The following PAK5 variants were observed in gnomAD, a reference collection of about 807,000 sequenced individuals.
The protein encoded by PAK5 is serine/threonine-protein kinase PAK 5.
Under a neutral mutation model 65.9 loss-of-function variants are expected in PAK5, and 16 were observed. The observed-to-expected ratio is 0.24, with a 90% confidence interval of 0.16 to 0.37. The LOEUF (loss-of-function observed/expected upper bound fraction) is 0.37, where lower values mean the gene tolerates loss of function less well. Ranked by LOEUF, PAK5 falls within the 10% of genes least tolerant of loss-of-function variation. The probability of loss-of-function intolerance (pLI) is 1.00; values close to 1 mark genes in which losing one functional copy is unlikely to be tolerated. For synonymous variants in PAK5, 371 were observed against 354.9 expected (o/e 1.05, Z -0.51); for missense variants, 785 against 903.9 (o/e 0.87, Z 1.69).
chr20:9,686,509 C>A (rs6141005), intron 2 of PAK5, among the ~76,000 whole-genome samples: 40,141 of 151,980 alleles, frequency 0.26, 5,473 homozygotes, highest in East Asian at 0.36. Context: ...AATCCTCCTG[C>A]CTCTCCCAAA....
At chr20:9,829,526 T>C (rs1978541439) in intron 1 of PAK5, among the ~76,000 whole-genome samples, 1 of 152,194 alleles carries the variant, frequency 6.6e-6, no homozygotes, top group Non-Finnish European at 1.5e-5. Context: ...GCTTAACACA[T>C]CTTGTTCAAT....
chr20:9,807,827 G>A (rs2049252391), intron 1 of PAK5, among the ~76,000 whole-genome samples: 2 of 150,926 alleles, frequency 1.3e-5, no homozygotes, highest in Non-Finnish European at 3.0e-5. Flanking sequence ...TTAGTAGACA[G>A]CTGGATGATC....
intron 3 of PAK5, among the ~76,000 whole-genome samples, chr20:9,643,306 C>A (rs1213566766): frequency 1.3e-5 from 2 of 152,078 alleles, no homozygotes; most frequent in African/African-American, 4.8e-5. Context: ...CAATTGCCTG[C>A]TAGTCTATAG....
In PAK5 at chr20:9,581,004, C is replaced by G. The variant is rs184723315; in HGVS notation, c.205-74G>C. On this transcript the variant is annotated intron_variant, in intron 3 of 9. Transcript: ENST00000353224. Reference sequence around the variant, plus strand: ...TAAATTGATGGTGGCATCCCACCCCCACTCCATCCAAATTAAACTACAGAA... The same window carrying G: ...TAAATTGATGGTGGCATCCCACCCCGACTCCATCCAAATTAAACTACAGAA... 5.6e-3 allele frequency: 5,976 copies of G among 1,076,144 alleles called. 37 individuals carry two copies. The highest frequency in any genetic ancestry group is 0.012 in the South Asian group (796 of 64,120). The allele number at this position is 1,076,144 out of a possible 1,614,324, so 66.7% of individuals were successfully genotyped here. A position where few individuals can be genotyped will look rare whatever the true frequency, so the allele number is the denominator to read the frequency against.
chr20:9,585,388 G>A (rs973093138), intron 3 of PAK5, among the ~76,000 whole-genome samples: 1 of 152,084 alleles, frequency 6.6e-6, no homozygotes, highest in Non-Finnish European at 1.5e-5. Context: ...CTTTCTCCCA[G>A]TCTAGGTCTC....
intron 3 of PAK5, among the ~76,000 whole-genome samples, chr20:9,621,371 A>T (rs1013703479): frequency 6.6e-6 from 1 of 151,440 alleles, no homozygotes; most frequent in African/African-American, 2.4e-5. Flanking sequence ...TAGACAGCTT[A>T]AAAAAATGTC....
In PAK5 at chr20:9,557,608, C is replaced by A; in HGVS notation, c.1743G>T (p.Arg581=). 6.2e-7 allele frequency: 1 copy of A among 1,606,812 alleles called. No homozygotes were observed. Among genetic ancestry groups the A allele is most frequent in the Non-Finnish European group, 8.5e-7 (1 of 1,176,736 alleles). The change falls in exon 7 of 10, where the codon CGG becomes CGT. Residue 581 remains arginine, a splice_region_variant and synonymous_variant. Coordinates refer to ENST00000353224, the MANE Select transcript of PAK5 (RefSeq NM_177990.4). ...SDSILLTSDG[R]IKLSDFGFCA... is the part of the protein sequence containing the mutation. ...AACGGGCCAAACATGAACATCTTACCCGGCCATCGCTTGTCAGGAGGATGG... is the reference window on the plus strand; with the variant it reads ...AACGGGCCAAACATGAACATCTTACACGGCCATCGCTTGTCAGGAGGATGG...
chr20:9,732,271 T>C (rs2048342465), intron 1 of PAK5, among the ~76,000 whole-genome samples: 1 of 152,228 alleles, frequency 6.6e-6, no homozygotes, highest in Admixed American at 6.5e-5. Context: ...AATTACCTGA[T>C]AACTCAGTAA....
At chr20:9,702,961 C>CA (rs1348032966) in intron 2 of PAK5, among the ~76,000 whole-genome samples, 6 of 152,186 alleles carry the variant, frequency 3.9e-5, no homozygotes, top group African/African-American at 1.4e-4. Context: ...TCAAAGGTGT[C>CA]AGCACTCCTT....
At chr20:9,822,583 G>T (rs576989263) in intron 1 of PAK5, among the ~76,000 whole-genome samples, 5 of 152,158 alleles carry the variant, frequency 3.3e-5, no homozygotes, top group South Asian at 4.2e-4. Context: ...CTAATAAATT[G>T]CCCAATCAAT....
At chr20:9,640,409 G>C (rs1019292214) in intron 3 of PAK5, among the ~76,000 whole-genome samples, 2 of 151,932 alleles carry the variant, frequency 1.3e-5, no homozygotes, top group Non-Finnish European at 2.9e-5. Context: ...TTTTATGGCT[G>C]CATAGTATTC....
intron 1 of PAK5, among the ~76,000 whole-genome samples, chr20:9,771,763 G>A (rs559761132): frequency 1.3e-5 from 2 of 152,094 alleles, no homozygotes; most frequent in South Asian, 4.2e-4. Context: ...TGCCATCAAG[G>A]AACAGTGGCT....
intron 1 of PAK5, among the ~76,000 whole-genome samples, chr20:9,768,821 G>GAA (rs559609473): frequency 8.6e-4 from 87 of 101,458 alleles, no homozygotes; most frequent in African/African-American, 2.1e-3. Flanking sequence ...GGGAAAGAAA[G>GAA]AAAAAAAAAA....
At chr20:9,826,839 C>T (rs1444464117) in intron 1 of PAK5, among the ~76,000 whole-genome samples, 3 of 152,196 alleles carry the variant, frequency 2.0e-5, no homozygotes, top group Non-Finnish European at 4.4e-5. Flanking sequence ...ACCAATTAGG[C>T]ATATTCATAC....
chr20:9,807,749 T>G (rs2049249870), intron 1 of PAK5, among the ~76,000 whole-genome samples: 1 of 112,104 alleles, frequency 8.9e-6, no homozygotes, highest in African/African-American at 3.4e-5. Context: ...ACGACTCCCT[T>G]CCAGCAAAAA....
chr20:9,596,923 C>T (rs2046280620), intron 3 of PAK5, among the ~76,000 whole-genome samples: 1 of 152,158 alleles, frequency 6.6e-6, no homozygotes, highest in Non-Finnish European at 1.5e-5. Flanking sequence ...GCATAAGGCT[C>T]AATATTCTGA....
At chr20:9,707,493 A>T (rs759260849) in intron 2 of PAK5, among the ~76,000 whole-genome samples, 3 of 152,168 alleles carry the variant, frequency 2.0e-5, no homozygotes, top group Non-Finnish European at 2.9e-5. Context: ...TCTTCCCGGT[A>T]GATTGTTTGC....
At chr20:9,826,161 G>A (rs1283486386) in intron 1 of PAK5, among the ~76,000 whole-genome samples, 8 of 152,124 alleles carry the variant, frequency 5.3e-5, no homozygotes, top group African/African-American at 1.9e-4. Context: ...CTGTATTTGT[G>A]TGTGTGATTT....
intron 1 of PAK5, among the ~76,000 whole-genome samples, chr20:9,800,400 A>G (rs1459000154): frequency 6.6e-6 from 1 of 152,168 alleles, no homozygotes; most frequent in Non-Finnish European, 1.5e-5. Flanking sequence ...CACTATCAAA[A>G]AATCTTTTAA....
Sources: allele counts gnomAD v4.1 joint callset (sites outside exome capture counted in the v4.1 genomes callset), GRCh38; gene constraint gnomAD v4.1.1; transcripts MANE v1.5; gene names NCBI Gene and HGNC (gene_info 2026-07-23, HGNC 2026-07-21).